Variants in PLCXD2 observed in about 807,000 individuals in gnomAD.
The protein encoded by PLCXD2 is PI-PLC X domain-containing protein 2.
In PLCXD2, 21 loss-of-function variants were observed where a neutral mutation model predicts 28.6. The observed-to-expected ratio is 0.73, with a 90% CI of 0.52 to 1.06. The LOEUF is 1.06. Among genes scored for constraint, PLCXD2 ranks in the 50% least tolerant of loss-of-function variants. The pLI is 0.00. For missense variants in PLCXD2, 369 were observed against 376.7 expected (o/e 0.98, Z 0.17); for synonymous variants, 140 against 150.1 (o/e 0.93, Z 0.49).
intron 1 of PLCXD2, among the ~76,000 whole-genome samples, chr3:111,698,292 G>A (rs1222595603): frequency 1.3e-5 from 2 of 152,202 alleles, no homozygotes; most frequent in Non-Finnish European, 1.5e-5. Context: ...TTGTGCAGAT[G>A]AGGAAACTGA....
At chr3:111,713,796 T>A (rs1941231634) in intron 2 of PLCXD2, 91 bp from the exon 3 acceptor site, 24 of 1,374,002 alleles carry the variant, frequency 1.7e-5, no homozygotes, top group Non-Finnish European at 9.9e-7. Flanking sequence ...TATATTTTCT[T>A]GCCTTTTTCC....
chr3:111,719,824 TTATGTG>T (rs1319254856), intron 3 of PLCXD2, among the ~76,000 whole-genome samples: 5 of 152,222 alleles, frequency 3.3e-5, no homozygotes, highest in Non-Finnish European at 7.3e-5. Context: ...TGAGTTTGAA[TTATGTG>T]TACGTATTTG....
chr3:111,680,538 C>A (rs754040373), intron 1 of PLCXD2, among the ~76,000 whole-genome samples: 6 of 151,790 alleles, frequency 4.0e-5, no homozygotes, highest in Non-Finnish European at 7.4e-5. Flanking sequence ...CTTTTTCCCC[C>A]CTCTGAGTGG....
intron 1 of PLCXD2, among the ~76,000 whole-genome samples, chr3:111,697,490 A>G (rs1576458001): frequency 6.6e-6 from 1 of 152,238 alleles, no homozygotes; most frequent in South Asian, 2.1e-4. Context: ...GTAGAAAAAA[A>G]TACAGAAAAA....
At position 111,707,413 on chromosome 3, in the gene PLCXD2, T is replaced by A. The variant is rs145887337; in HGVS notation, c.164-513T>A. ...CGGCATTGTTGAGATAGACACAGTG[T>A]TTTCATACCCTCTGTTTCAATGATG... On this transcript the variant is annotated intron_variant, in intron 1 of 4. Coordinates refer to ENST00000477665, the MANE Select transcript of PLCXD2 (RefSeq NM_001185106.1). Among the ~76,000 whole-genome samples the A allele has an allele frequency of 1.1e-3, 171 of 152,362 alleles. 2 individuals are homozygous for A. Among genetic ancestry groups the A allele is most frequent in the African/African-American group, 3.6e-3 (151 of 41,594 alleles).
intron 1 of PLCXD2, among the ~76,000 whole-genome samples, chr3:111,681,336 G>T (rs1172944475): frequency 6.6e-6 from 1 of 152,154 alleles, no homozygotes; most frequent in Non-Finnish European, 1.5e-5. Context: ...AGAGCCTTTG[G>T]GAAAAACTCA....
At chr3:111,679,173 G>C (rs1940673601) in intron 1 of PLCXD2, among the ~76,000 whole-genome samples, 1 of 152,178 alleles carries the variant, frequency 6.6e-6, no homozygotes, top group South Asian at 2.1e-4. Context: ...TCCACCTTCT[G>C]AGAATTAGGA....
intron 1 of PLCXD2, among the ~76,000 whole-genome samples, chr3:111,686,541 T>C (rs1229113533): frequency 6.6e-6 from 1 of 152,204 alleles, no homozygotes; most frequent in Non-Finnish European, 1.5e-5. Context: ...GGTTTAAAGA[T>C]GTTATCTTTG....
chr3:111,707,060 G>A (rs1941129861), intron 1 of PLCXD2, among the ~76,000 whole-genome samples: 1 of 152,152 alleles, frequency 6.6e-6, no homozygotes, highest in Non-Finnish European at 1.5e-5. Flanking sequence ...GACTTAATCT[G>A]CACTATAGAC....
chr3:111,717,825 G>A (rs1201550025), intron 3 of PLCXD2, among the ~76,000 whole-genome samples: 1 of 152,152 alleles, frequency 6.6e-6, no homozygotes, highest in African/African-American at 2.4e-5. Context: ...GGTTCCTTGT[G>A]TATCCTTGGT....
chr3:111,707,988 C>T lies in PLCXD2; in HGVS notation c.226C>T (p.Gln76Ter). 1.2e-6 allele frequency: 2 copies of T among 1,614,122 alleles called. No individual in the cohort carries two copies. The highest frequency in any genetic ancestry group is 1.7e-5 in the Admixed American group (1 of 60,002). ...GTCCCCAGTGGGGCCTGACCAAACC[C>T]AAGCTATCAAACGCCTCGCCAGGAT... The change falls in exon 2 of 5, where the codon CAA (glutamine) becomes TAA (stop). Residue 76 changes from glutamine to a stop codon, truncating the protein, a stop_gained. Transcript: ENST00000477665. LOFTEE classifies it high-confidence loss of function.
intron 2 of PLCXD2, among the ~76,000 whole-genome samples, chr3:111,709,358 T>C (rs1941167612): frequency 6.6e-6 from 1 of 152,036 alleles, no homozygotes; most frequent in South Asian, 2.1e-4. Context: ...TGGAGGGAGA[T>C]AGATCATAGA....
Position 111,674,708 on chromosome 3 carries a change from T to A in PLCXD2, c.-538T>A, listed in dbSNP as rs1467687349. On this transcript the variant is annotated 5_prime_UTR_variant, in exon 1 of 5. Transcript: ENST00000477665. ...GTCCTGGTGCCGCCGGCTGCACTTCTGTGTGTCTTTCAGGAAGCCACAGGG... is the reference window on the plus strand; with the variant it reads ...GTCCTGGTGCCGCCGGCTGCACTTCAGTGTGTCTTTCAGGAAGCCACAGGG... 1 of 152,620 alleles carries A rather than the reference T, an allele frequency of 6.6e-6. No individual in the cohort carries two copies. The highest frequency in any genetic ancestry group is 1.5e-5 in the Non-Finnish European group (1 of 68,332). 9.5% of individuals were successfully genotyped at this position (152,620 alleles called of 1,614,324 possible). A position where few individuals can be genotyped will look rare whatever the true frequency, so the allele number is the denominator to read the frequency against.
At chr3:111,700,108 T>C (rs1941020117) in intron 1 of PLCXD2, among the ~76,000 whole-genome samples, 1 of 152,172 alleles carries the variant, frequency 6.6e-6, no homozygotes, top group Non-Finnish European at 1.5e-5. Context: ...AGATTTTGAC[T>C]TAGAAGGTTT....
intron 1 of PLCXD2, among the ~76,000 whole-genome samples, chr3:111,698,945 GAAC>G (rs1941003277): frequency 6.6e-6 from 1 of 152,140 alleles, no homozygotes; most frequent in South Asian, 2.1e-4. Context: ...CACTCCCTAA[GAAC>G]AAATTTTTGC....
chr3:111,695,629 A>C (rs1485453206), intron 1 of PLCXD2, among the ~76,000 whole-genome samples: 1 of 152,236 alleles, frequency 6.6e-6, no homozygotes, highest in Admixed American at 6.5e-5. Flanking sequence ...AACTTCTGAA[A>C]ACATTACTGG....
intron 1 of PLCXD2, among the ~76,000 whole-genome samples, chr3:111,682,881 G>A (rs1409208691): frequency 6.6e-6 from 1 of 152,138 alleles, no homozygotes; most frequent in Non-Finnish European, 1.5e-5. Flanking sequence ...ATATGTCAGT[G>A]CCTGCATACT....
At chr3:111,726,970 G>A (rs1941424334) in intron 3 of PLCXD2, 1 of 152,282 alleles carries the variant, frequency 6.6e-6, no homozygotes, top group South Asian at 2.1e-4. Context: ...TAAACTCAGT[G>A]TCAATAAAAC....
chr3:111,700,368 A>C (rs1941024121), intron 1 of PLCXD2, among the ~76,000 whole-genome samples: 1 of 152,214 alleles, frequency 6.6e-6, no homozygotes, highest in African/African-American at 2.4e-5. Context: ...GAGAAAAGTC[A>C]ATTTCTAGAA....
Sources: allele counts gnomAD v4.1 joint callset (sites outside exome capture counted in the v4.1 genomes callset), GRCh38; gene constraint gnomAD v4.1.1; transcripts MANE v1.5; gene names NCBI Gene and HGNC (gene_info 2026-07-23, HGNC 2026-07-21).